Variants in ZNF385D observed in about 807,000 individuals in gnomAD.
The protein encoded by ZNF385D is zinc finger protein 659.
In ZNF385D, 15 loss-of-function variants were observed where a neutral mutation model predicts 35.8. The ratio of observed to expected loss-of-function variants is 0.42; its 90% CI spans 0.28 to 0.64. The LOEUF is 0.64. ZNF385D is among the 30% of genes least tolerant of loss of function. The pLI is 0.23. For synonymous variants in ZNF385D, 212 were observed against 186.8 expected (o/e 1.13, Z -1.10); for missense variants, 474 against 494.6 (o/e 0.96, Z 0.39).
intron 3 of ZNF385D, among the ~76,000 whole-genome samples, chr3:22,143,320 C>T (rs1477473528): frequency 6.6e-6 from 1 of 151,998 alleles, no homozygotes; most frequent in African/African-American, 2.4e-5. Flanking sequence ...GCCTGACCTC[C>T]TGATCTGCCC....
At chr3:21,634,697 G>C (rs960000709) in intron 2 of ZNF385D, among the ~76,000 whole-genome samples, 1 of 151,776 alleles carries the variant, frequency 6.6e-6, no homozygotes, top group African/African-American at 2.4e-5. Flanking sequence ...TTGCATGTCT[G>C]TTTTGTTATT....
intron 1 of ZNF385D, among the ~76,000 whole-genome samples, chr3:21,670,665 C>CCT (rs2066546429): frequency 4.7e-5 from 1 of 21,314 alleles, no homozygotes; most frequent in African/African-American, 1.3e-4. Flanking sequence ...CCCCCCCCCC[C>CCT]CCCCCCCCAA....
intron 3 of ZNF385D, among the ~76,000 whole-genome samples, chr3:22,035,052 CTGT>C: frequency 6.6e-6 from 1 of 152,212 alleles, no homozygotes; most frequent in South Asian, 2.1e-4. Flanking sequence ...GATTTATATA[CTGT>C]TGTTCATGCA....
At chr3:21,677,077 G>A (rs886506958) in intron 1 of ZNF385D, among the ~76,000 whole-genome samples, 24 of 152,032 alleles carry the variant, frequency 1.6e-4, no homozygotes, top group Non-Finnish European at 1.5e-5. Flanking sequence ...TATGATAAAA[G>A]GAAAGACATC....
At chr3:21,576,796 G>A (rs2063508748) in intron 2 of ZNF385D, among the ~76,000 whole-genome samples, 1 of 152,100 alleles carries the variant, frequency 6.6e-6, no homozygotes, top group Non-Finnish European at 1.5e-5. Flanking sequence ...AAAAAGAAAG[G>A]GAAGAAAGTG....
At chr3:22,242,410 T>C (rs1699548031) in intron 2 of ZNF385D, among the ~76,000 whole-genome samples, 1 of 150,766 alleles carries the variant, frequency 6.6e-6, no homozygotes, top group South Asian at 2.2e-4. Context: ...ACGATCAAGG[T>C]TAACATCACC....
chr3:21,597,136 A>G (rs2064149227), intron 2 of ZNF385D, among the ~76,000 whole-genome samples: 1 of 152,222 alleles, frequency 6.6e-6, no homozygotes. Context: ...TGTTTTAAAA[A>G]TGAAGCTATG....
chr3:22,304,269 G>C (rs1390643707), intron 2 of ZNF385D, among the ~76,000 whole-genome samples: 1 of 152,074 alleles, frequency 6.6e-6, no homozygotes, highest in Non-Finnish European at 1.5e-5. Context: ...TGAATATTGA[G>C]AACATTACAC....
chr3:21,464,119 T>G (rs190414773), intron 4 of ZNF385D, among the ~76,000 whole-genome samples: 1 of 152,342 alleles, frequency 6.6e-6, no homozygotes, highest in East Asian at 1.9e-4. Context: ...AATATTTTAC[T>G]GATTACAATA....
At chr3:22,072,476 C>T (rs1250450332) in intron 3 of ZNF385D, among the ~76,000 whole-genome samples, 1 of 152,076 alleles carries the variant, frequency 6.6e-6, no homozygotes, top group Admixed American at 6.6e-5. Flanking sequence ...AACTCGTCAG[C>T]TGCTTGCTGA....
At chr3:22,343,427 A>G (rs1374793203) in intron 2 of ZNF385D, among the ~76,000 whole-genome samples, 1 of 152,228 alleles carries the variant, frequency 6.6e-6, no homozygotes, top group Non-Finnish European at 1.5e-5. Flanking sequence ...ACCCCTACTG[A>G]GGACTTTGGA....
chr3:21,940,584 C>T (rs139708382), intron 3 of ZNF385D, among the ~76,000 whole-genome samples: 42 of 152,246 alleles, frequency 2.8e-4, no homozygotes, highest in African/African-American at 9.6e-4. Context: ...ACAGAACAAA[C>T]CTAGTCTATA....
intron 2 of ZNF385D, among the ~76,000 whole-genome samples, chr3:22,226,096 C>T (rs924152218): frequency 3.3e-5 from 5 of 151,812 alleles, no homozygotes; most frequent in Admixed American, 6.6e-5. Flanking sequence ...GGAAAAGAAT[C>T]TTCTCTCTCC....
In ZNF385D at chr3:21,412,713, T is replaced by C. The variant is rs1700509162; in HGVS notation, c.*8501A>G. The C allele has an allele frequency of 7.2e-6, 1 of 138,454 alleles. No individual in the cohort carries two copies. The highest frequency in any genetic ancestry group is 2.9e-5 in the African/African-American group (1 of 34,684). 8.6% of individuals were successfully genotyped at this position (138,454 alleles called of 1,614,324 possible). On this transcript the variant is annotated 3_prime_UTR_variant, in exon 8 of 8. Coordinates refer to ENST00000281523, the MANE Select transcript of ZNF385D (RefSeq NM_024697.3). Reference sequence around the variant, plus strand: ...GAGCTTTCATCCATAAAAATATCACTGGTGTCTTTCTTTTACTAAAACTGA... The same window carrying C: ...GAGCTTTCATCCATAAAAATATCACCGGTGTCTTTCTTTTACTAAAACTGA...
chr3:22,093,750 T>C (rs79945368), intron 3 of ZNF385D, among the ~76,000 whole-genome samples: 835 of 152,262 alleles, frequency 5.5e-3, no homozygotes, highest in African/African-American at 0.019. Context: ...TTTACAATCA[T>C]ATAATTATTA....
intron 3 of ZNF385D, among the ~76,000 whole-genome samples, chr3:21,997,866 C>CGTGTGTGTGTGTGTGTGTGTGTGT (rs1162271257): frequency 1.0e-5 from 1 of 97,808 alleles, no homozygotes; most frequent in South Asian, 3.8e-4. Context: ...GGCGCGCGCG[C>CGTGTGTGTGTGTGTGTGTGTGTGT]GCGCGCGTGT....
chr3:21,900,808 T>C (rs1699369268), intron 3 of ZNF385D, among the ~76,000 whole-genome samples: 1 of 152,220 alleles, frequency 6.6e-6, no homozygotes, highest in Non-Finnish European at 1.5e-5. Flanking sequence ...AAAAGGTCTC[T>C]AGTGACTGAC....
At chr3:21,977,057 G>A (rs75783885) in intron 3 of ZNF385D, among the ~76,000 whole-genome samples, 4,335 of 152,210 alleles carry the variant, frequency 0.028, 220 homozygotes, top group African/African-American at 0.097. Context: ...ACATGGTATT[G>A]TACAAAACAA....
intron 3 of ZNF385D, among the ~76,000 whole-genome samples, chr3:21,916,354 C>T (rs968874686): frequency 2.6e-5 from 4 of 152,110 alleles, no homozygotes; most frequent in Admixed American, 6.5e-5. Flanking sequence ...AACTAACCCT[C>T]CACATTACTG....
Sources: allele counts gnomAD v4.1 joint callset (sites outside exome capture counted in the v4.1 genomes callset), GRCh38; gene constraint gnomAD v4.1.1; transcripts MANE v1.5; gene names NCBI Gene and HGNC (gene_info 2026-07-23, HGNC 2026-07-21).